The following EFCAB12 variants were observed in gnomAD, a reference collection of about 807,000 sequenced individuals.
The protein encoded by EFCAB12 is EF-hand calcium-binding domain-containing protein 12.
Under a neutral mutation model 53.6 loss-of-function variants are expected in EFCAB12, and 43 were observed. The ratio of observed to expected loss-of-function variants is 0.80; its 90% CI spans 0.63 to 1.03. The LOEUF (loss-of-function observed/expected upper bound fraction) is 1.03, where lower values mean the gene tolerates loss of function less well. Among genes scored for constraint, EFCAB12 ranks in the 50% least tolerant of loss-of-function variants. The pLI is 0.00. For missense variants in EFCAB12, 646 were observed against 730.6 expected (o/e 0.88, Z 1.34); for synonymous variants, 269 against 289.2 (o/e 0.93, Z 0.71).
chr3:129,423,904 A>C (rs1271140453), intron 1 of EFCAB12, among the ~76,000 whole-genome samples: 1 of 151,914 alleles, frequency 6.6e-6, no homozygotes. Context: ...TCCCTGTGAC[A>C]TGCTCTTCTC....
At chr3:129,423,191 G>A (rs1301064826) in intron 1 of EFCAB12, among the ~76,000 whole-genome samples, 1 of 152,190 alleles carries the variant, frequency 6.6e-6, no homozygotes, top group African/African-American at 2.4e-5. Flanking sequence ...GCTCTTAGCT[G>A]TTACTTGATA....
At chr3:129,412,524 C>T (rs539122192) in intron 4 of EFCAB12, 275 of 152,514 alleles carry the variant, frequency 1.8e-3, no homozygotes, top group Admixed American at 3.5e-3. Context: ...TGGCTTCCCA[C>T]AGCATTTAGA....
At chr3:129,423,683 T>C (rs1395323160) in intron 1 of EFCAB12, among the ~76,000 whole-genome samples, 2 of 152,136 alleles carry the variant, frequency 1.3e-5, no homozygotes, top group Non-Finnish European at 1.5e-5. Context: ...ACTGTCACTG[T>C]CATTTTCCTC....
At chr3:129,408,925 G>A (rs1304863203) in intron 5 of EFCAB12, 67 bp from the exon 6 acceptor site, 2 of 1,521,706 alleles carry the variant, frequency 1.3e-6, no homozygotes, top group Non-Finnish European at 1.8e-6. Flanking sequence ...CCAGAAGAAG[G>A]AAGATGCAGT....
At position 129,428,595 on chromosome 3, in the gene EFCAB12, C is replaced by G; in HGVS notation, c.-107G>C. The G allele has an allele frequency of 1.4e-6, 2 of 1,390,660 alleles. No homozygotes were observed. Among genetic ancestry groups the G allele is most frequent in the Non-Finnish European group, 2.0e-6 (2 of 1,020,138 alleles). The allele number at this position is 1,390,660 out of a possible 1,614,324, so 86.1% of individuals were successfully genotyped here. On this transcript the variant is annotated 5_prime_UTR_variant, in exon 1 of 9. Transcript: ENST00000505956. ...TATCAGATAAACCGTAACTCCAAGT[C>G]GTGCGAAAGGCGCTCAGCTCAGACT...
intron 4 of EFCAB12, chr3:129,413,823 A>G (rs1036717417): frequency 1.3e-5 from 2 of 152,214 alleles, no homozygotes; most frequent in Non-Finnish European, 2.9e-5. Flanking sequence ...CACCAGGGAA[A>G]AAGAACTCAG....
chr3:129,422,418 G>C (rs1277848436), intron 1 of EFCAB12, among the ~76,000 whole-genome samples: 1 of 151,952 alleles, frequency 6.6e-6, no homozygotes, highest in African/African-American at 2.4e-5. Flanking sequence ...ATGAAGTCCC[G>C]GGCCCCTCTT....
chr3:129,402,614 G>A, intron 7 of EFCAB12, 35 bp from the exon 8 acceptor site: 2 of 1,602,842 alleles, frequency 1.2e-6, no homozygotes, highest in Non-Finnish European at 1.7e-6. Flanking sequence ...TGTGAGGAGA[G>A]TGGAAATCCA....
chr3:129,415,472 A>C (rs1577046620), intron 3 of EFCAB12, 71 bp from the exon 4 acceptor site: 1 of 1,579,630 alleles, frequency 6.3e-7, no homozygotes, highest in South Asian at 1.2e-5. Context: ...CCAAGGCCTT[A>C]CCAGCCTCCT....
At chr3:129,425,543 T>C (rs542042067) in intron 1 of EFCAB12, among the ~76,000 whole-genome samples, 5 of 152,286 alleles carry the variant, frequency 3.3e-5, no homozygotes, top group Admixed American at 2.6e-4. Flanking sequence ...GGGCTTCCCC[T>C]GGCCGAGTCA....
intron 6 of EFCAB12, 53 bp from the exon 7 acceptor site, chr3:129,404,456 T>C: frequency 1.3e-6 from 2 of 1,496,760 alleles, no homozygotes. Flanking sequence ...TGCCCATCCC[T>C]CCCTAAGCCT....
intron 5 of EFCAB12, among the ~76,000 whole-genome samples, chr3:129,410,198 C>G (rs972531807): frequency 5.4e-4 from 82 of 151,190 alleles, no homozygotes; most frequent in African/African-American, 1.9e-3. Flanking sequence ...TGTGTAGAGA[C>G]GGGGCCTTGC....
At position 129,401,719 on chromosome 3, in the gene EFCAB12, A is replaced by G. The variant is rs1002956480; in HGVS notation, c.1593T>C (p.Ser531=). The change falls in exon 9 of 9, where the codon AGT becomes AGC. Residue 531 remains serine, a synonymous_variant. Coordinates refer to ENST00000505956, the MANE Select transcript of EFCAB12 (RefSeq NM_207307.3). ...AGACATGGGGCTGGTGTTGAACACA[A>G]CTGAAGAGCGCCAGGCTCCGGTCTG... The part of the protein sequence containing the change: ...VATDRSLALF[S]CVQHQPHVYP... 1.2e-5 allele frequency: 19 copies of G among 1,598,078 alleles called. No individual in the cohort carries two copies. The highest frequency in any genetic ancestry group is 1.6e-5 in the Non-Finnish European group (19 of 1,172,404).
In EFCAB12 at chr3:129,421,421, G is replaced by A. The variant is rs1559791663; in HGVS notation, c.432C>T (p.His144=). Residue 144 remains histidine (H), a synonymous_variant, in exon 2 of 9, where the codon CAC becomes CAT. Transcript: ENST00000505956. Reference sequence around the variant, plus strand: ...CATTTGGCTGGGCACTCTGCTCCTCGTGGATCATGTGTAAGACCTTGGCCT... The same window carrying A: ...CATTTGGCTGGGCACTCTGCTCCTCATGGATCATGTGTAAGACCTTGGCCT... ...PSEAKVLHMI[H]EEQSAQPNAS... The A allele has an allele frequency of 8.1e-6, 13 of 1,613,632 alleles. No individual in the cohort carries two copies. Among genetic ancestry groups the A allele is most frequent in the African/African-American group, 1.3e-5 (1 of 75,028 alleles).
Position 129,411,326 on chromosome 3 carries a change from G to A in EFCAB12, c.867C>T (p.Ser289=). Residue 289 remains serine, a synonymous_variant, in exon 5 of 9, where the codon TCC becomes TCT. Transcript: ENST00000505956. ...CCTGCTTCTTGAGCGGACCCTTCAG[G>A]GAATCTCTGTGCTTGGCCAAGATAT... ...EHYILAKHRD[S]LKGPLKKQEV... is the part of the protein sequence containing the mutation. 6.3e-7 allele frequency: 1 copy of A among 1,597,276 alleles called. No individual in the cohort carries two copies. The highest frequency in any genetic ancestry group is 1.1e-5 in the South Asian group (1 of 89,660).
chr3:129,411,417 G>T, intron 4 of EFCAB12, 63 bp from the exon 5 acceptor site: 1 of 1,490,028 alleles, frequency 6.7e-7, no homozygotes. Context: ...CACGGAACCT[G>T]CCAAGCAGTT....
In EFCAB12 at chr3:129,402,522, C is replaced by A; in HGVS notation, c.1460+1G>T. 1 of 1,612,250 alleles carries A rather than the reference C, an allele frequency of 6.2e-7. No individual in the cohort carries two copies. The highest frequency in any genetic ancestry group is 1.1e-5 in the South Asian group (1 of 90,640). On this transcript the variant is annotated splice_donor_variant, in intron 8 of 8. Coordinates refer to ENST00000505956, the MANE Select transcript of EFCAB12 (RefSeq NM_207307.3). LOFTEE classifies it high-confidence loss of function. ...TGTGGAGTTAGATGATTGCCACAGA[C>A]CTGGTAAATTCCTCAAACTCCTTAA...
chr3:129,405,255 C>T (rs2071933303), intron 6 of EFCAB12, among the ~76,000 whole-genome samples: 1 of 152,124 alleles, frequency 6.6e-6, no homozygotes, highest in Non-Finnish European at 1.5e-5. Context: ...TCAAGCAGTG[C>T]TTGTCTTAAG....
At position 129,401,467 on chromosome 3, in the gene EFCAB12, C is replaced by A; in HGVS notation, c.*126G>T. On this transcript the variant is annotated 3_prime_UTR_variant, in exon 9 of 9. Coordinates refer to ENST00000505956, the MANE Select transcript of EFCAB12 (RefSeq NM_207307.3). ...AGTCCAGAGGGAACTGGCCCCCGGT[C>A]CATCCCTCTTTGAAAGGATTTCTTT... 1 of 1,333,704 alleles carries A rather than the reference C, an allele frequency of 7.5e-7. No individual in the cohort carries two copies. Among genetic ancestry groups the A allele is most frequent in the Non-Finnish European group, 1.0e-6 (1 of 998,548 alleles). The allele number at this position is 1,333,704 out of a possible 1,614,324, so 82.6% of individuals were successfully genotyped here. A position where few individuals can be genotyped will look rare whatever the true frequency, so the allele number is the denominator to read the frequency against.
Sources: gnomAD v4.1 joint callset for allele counts (sites outside exome capture counted in the v4.1 genomes callset) on GRCh38, gnomAD v4.1.1 for gene constraint, MANE v1.5 for transcripts, NCBI Gene and HGNC (gene_info 2026-07-23, HGNC 2026-07-21) for gene names.